The following DMD variants were observed in gnomAD, a reference collection of about 807,000 sequenced individuals.
DMD encodes mutant dystrophin.
Under a neutral mutation model 330.1 loss-of-function variants are expected in DMD, and 63 were observed. The observed-to-expected ratio is 0.19, with a 90% CI of 0.16 to 0.24. DMD has a LOEUF of 0.24. DMD is among the 10% of genes least tolerant of loss of function. DMD has a pLI of 1.00. For missense variants in DMD, 3,344 were observed against 2,684.1 expected, an observed-to-expected ratio of 1.25 and a Z score of -5.43; for synonymous variants, 1,223 against 959.8, an observed-to-expected ratio of 1.27 and a Z score of -5.07.
intron 45 of DMD, among the ~76,000 whole-genome samples, chrX:31,939,267 T>C (rs2150036553): frequency 8.9e-6 from 1 of 111,951 alleles, no homozygotes; most frequent in South Asian, 3.7e-4. Flanking sequence ...CATACCTGGT[T>C]GGTGCTTGAG....
chrX:33,127,086 A>C (rs1351138863), intron 1 of DMD, among the ~76,000 whole-genome samples: 1 of 111,161 alleles, frequency 9.0e-6, no homozygotes, highest in East Asian at 2.8e-4. Context: ...AGATCCAAAT[A>C]GACTTTTAAC....
At chrX:33,025,473 A>G (rs924162454) in intron 1 of DMD, among the ~76,000 whole-genome samples, 20 of 89,792 alleles carry the variant, frequency 2.2e-4, no homozygotes, top group East Asian at 4.6e-4. Flanking sequence ...AAACTGGGGG[A>G]AAAAAAAAAA....
At chrX:32,968,730 C>T (rs1042366262) in intron 2 of DMD, among the ~76,000 whole-genome samples, 2 of 108,230 alleles carry the variant, frequency 1.8e-5, no homozygotes, top group African/African-American at 3.4e-5. Context: ...TTAGTTGCCT[C>T]GTAAAAGAGA....
At chrX:31,326,860 T>A (rs2056819708) in intron 61 of DMD, among the ~76,000 whole-genome samples, 1 of 112,027 alleles carries the variant, frequency 8.9e-6, no homozygotes, top group East Asian at 2.8e-4. Context: ...TGCCACAGAA[T>A]TTTTTCATTT....
intron 1 of DMD, among the ~76,000 whole-genome samples, chrX:33,288,421 C>T (rs5928225): frequency 0.32 from 35,120 of 110,228 alleles, 5,315 homozygotes; most frequent in African/African-American, 0.6. Flanking sequence ...ACACAATTTA[C>T]TTCGGCCAAC....
At chrX:32,759,814 T>G (rs2071990718) in intron 7 of DMD, among the ~76,000 whole-genome samples, 1 of 84,503 alleles carries the variant, frequency 1.2e-5, no homozygotes, top group South Asian at 7.9e-4. Flanking sequence ...CTACTGGATC[T>G]TATGTTTAAG....
intron 36 of DMD, among the ~76,000 whole-genome samples, chrX:32,363,273 T>C (rs2097843646): frequency 1.8e-5 from 2 of 111,998 alleles, no homozygotes; most frequent in Non-Finnish European, 3.8e-5. Context: ...CCAACTATGT[T>C]GTTGCAACTA....
intron 45 of DMD, among the ~76,000 whole-genome samples, chrX:31,944,663 C>CT (rs1176678451): frequency 0.18 from 14,833 of 81,309 alleles, 1,372 homozygotes; most frequent in East Asian, 0.36. Flanking sequence ...TTTTGTTCTG[C>CT]TTTTTTTTTT....
chrX:32,715,808 AAGG>A (rs926532311), intron 7 of DMD, among the ~76,000 whole-genome samples: 1 of 111,301 alleles, frequency 9.0e-6, no homozygotes, highest in African/African-American at 3.3e-5. Context: ...AACACAAAAA[AAGG>A]AGATCTTCTT....
Position 31,968,326 on chromosome X carries a change from T to A in DMD, c.6614+13A>T, listed in dbSNP as rs72468603. On this transcript the variant is annotated intron_variant, in intron 45 of 78. Coordinates refer to ENST00000357033, the MANE Select transcript of DMD (RefSeq NM_004006.3). ...CTAAAATGTTTTCATTCCTATTAGA[T>A]CTGTCGCCCTACCTCTTTTTTCTGT... 3.3e-6 allele frequency: 4 copies of A among 1,209,227 alleles called. No homozygotes were observed. The highest frequency in any genetic ancestry group is 3.4e-6 in the Non-Finnish European group (3 of 893,345).
intron 1 of DMD, among the ~76,000 whole-genome samples, chrX:33,193,834 A>T (rs1259453985): frequency 9.0e-6 from 1 of 111,355 alleles, no homozygotes; most frequent in Non-Finnish European, 1.9e-5. Flanking sequence ...AACAAAAGAA[A>T]TTTATAAGTA....
At chrX:32,803,531 T>A (rs1246960307) in intron 7 of DMD, among the ~76,000 whole-genome samples, 1 of 111,160 alleles carries the variant, frequency 9.0e-6, no homozygotes, top group Non-Finnish European at 1.9e-5. Flanking sequence ...GCTGCTCTAG[T>A]TCATTTAATT....
At chrX:31,706,918 AG>A (rs1382922778) in intron 52 of DMD, among the ~76,000 whole-genome samples, 3 of 112,115 alleles carry the variant, frequency 2.7e-5, no homozygotes, top group Non-Finnish European at 5.6e-5. Context: ...ACACAGATAA[AG>A]TATGTTAAAT....
chrX:32,365,369 G>T (rs576657188), intron 34 of DMD, among the ~76,000 whole-genome samples, 170 bp from the exon 35 acceptor site: 1 of 110,107 alleles, frequency 9.1e-6, no homozygotes, highest in East Asian at 2.8e-4. Context: ...TTCATTGTTG[G>T]GTAACTATGA....
chrX:32,570,462 T>C (rs974791757), intron 15 of DMD, among the ~76,000 whole-genome samples: 3 of 112,166 alleles, frequency 2.7e-5, no homozygotes, highest in Admixed American at 9.5e-5. Context: ...ATTATTGACT[T>C]TCTTAAAAGA....
intron 49 of DMD, among the ~76,000 whole-genome samples, chrX:31,833,364 A>G (rs1434955502): frequency 2.9e-5 from 3 of 102,780 alleles, no homozygotes; most frequent in African/African-American, 1.1e-4. Flanking sequence ...AGGGAAAGAG[A>G]GAGAGAGAGA....
rs765899343 is a variant in DMD, at chrX:33,049,955, GAATATT to G, written c.32-29761_32-29756del. On this transcript the variant is annotated intron_variant, in intron 1 of 78. Transcript: ENST00000357033. ...GTATTTGCAAATATATTCGTCTTTA[GAATATT>G]CCTCCTTAACCTTTTTAAGTAGAAA... Among the ~76,000 whole-genome samples, 196 of 111,430 alleles carry G rather than the reference GAATATT, an allele frequency of 1.8e-3. 1 individual carries two copies. Among genetic ancestry groups the G allele is most frequent in the African/African-American group, 6.0e-3 (186 of 30,760 alleles).
chrX:31,802,062 G>A (rs1569429503), intron 50 of DMD, among the ~76,000 whole-genome samples: 1 of 111,267 alleles, frequency 9.0e-6, no homozygotes, highest in Non-Finnish European at 1.9e-5. Context: ...ACAAAACTAG[G>A]AGGGAGGTCA....
chrX:33,018,316 G>A lies in DMD; in HGVS notation c.93+1823C>T, dbSNP rs769359849. Among the ~76,000 whole-genome samples, 3 of 111,503 alleles carry A rather than the reference G, an allele frequency of 2.7e-5. No individual in the cohort carries two copies. In the South Asian group the frequency reaches 1.1e-3, roughly 42 times the overall value. On this transcript the variant is annotated intron_variant, in intron 2 of 78. Transcript: ENST00000357033. ...AATGAAAAGTGTGAGTTGAGTTAGA[G>A]GATGCAAATATTTTGGAAGAAAACA...
Sources: gnomAD v4.1 joint callset for allele counts (sites outside exome capture counted in the v4.1 genomes callset) on GRCh38, gnomAD v4.1.1 for gene constraint, MANE v1.5 for transcripts, NCBI Gene and HGNC (gene_info 2026-07-23, HGNC 2026-07-21) for gene names.